Variants in BAZ1B observed in about 807,000 individuals in gnomAD.
BAZ1B encodes bromodomain adjacent to zinc finger domain 1B, also known as tyrosine-protein kinase BAZ1B.
Under a neutral mutation model 153.8 loss-of-function variants are expected in BAZ1B, and 22 were observed. The observed-to-expected ratio is 0.14, with a 90% confidence interval of 0.10 to 0.20. BAZ1B has a LOEUF of 0.20. Among genes scored for constraint, BAZ1B ranks in the 10% least tolerant of loss-of-function variants. The pLI, the probability that BAZ1B is intolerant of heterozygous loss-of-function variation, is 1.00. For missense variants in BAZ1B, 1,325 were observed against 1,799.3 expected, an observed-to-expected ratio of 0.74 and a Z score of 4.77; for synonymous variants, 676 against 633.4, an observed-to-expected ratio of 1.07 and a Z score of -1.01.
At chr7:73,514,361 G>A (rs1192018256) in intron 1 of BAZ1B, among the ~76,000 whole-genome samples, 5 of 151,924 alleles carry the variant, frequency 3.3e-5, no homozygotes, top group South Asian at 2.1e-4. Context: ...TGAAACCCCC[G>A]TCTCTACTAA....
intron 16 of BAZ1B, among the ~76,000 whole-genome samples, chr7:73,446,279 C>T (rs930573507): frequency 7.2e-5 from 11 of 152,056 alleles, no homozygotes; most frequent in African/African-American, 2.2e-4. Flanking sequence ...CTGTTTTCTA[C>T]GAACCTGTAA....
intron 1 of BAZ1B, among the ~76,000 whole-genome samples, chr7:73,518,834 G>C (rs1160180066): frequency 2.0e-5 from 3 of 152,188 alleles, no homozygotes; most frequent in Non-Finnish European, 4.4e-5. Flanking sequence ...CAAAGGTCGT[G>C]AACTAGTTAT....
At chr7:73,508,815 C>A (rs1187281020) in intron 2 of BAZ1B, among the ~76,000 whole-genome samples, 1 of 151,482 alleles carries the variant, frequency 6.6e-6, no homozygotes, top group Admixed American at 6.6e-5. Context: ...AGATCAAGAC[C>A]ATCCTGGCTA....
At chr7:73,490,436 C>CGTA (rs1789590439) in intron 5 of BAZ1B, among the ~76,000 whole-genome samples, 1 of 151,978 alleles carries the variant, frequency 6.6e-6, no homozygotes, top group South Asian at 2.1e-4. Flanking sequence ...AGCTACCTAC[C>CGTA]ATTCACTAAA....
chr7:73,442,148 T>TTCTTTTCCCCC, intron 19 of BAZ1B, 33 bp downstream of exon 19: 1 of 208,524 alleles, frequency 4.8e-6, no homozygotes, highest in Non-Finnish European at 9.4e-6. Context: ...CCTCCCACCC[T>TTCTTTTCCCCC]CCCTAGCTGT....
intron 5 of BAZ1B, among the ~76,000 whole-genome samples, chr7:73,491,018 T>C (rs1554575398): frequency 1.3e-5 from 2 of 151,260 alleles, no homozygotes; most frequent in African/African-American, 4.8e-5. Context: ...CCAGGTGCAG[T>C]GGCTCATGCC....
rs141709677 is a variant in BAZ1B at position 73,520,404 on chromosome 7, G to A, written c.107+1423C>T. Among the ~76,000 whole-genome samples the A allele has an allele frequency of 2.3e-3, 348 of 152,154 alleles. 2 individuals are homozygous for A. Among genetic ancestry groups the A allele is most frequent in the African/African-American group, 8.2e-3 (342 of 41,486 alleles). On this transcript the variant is annotated intron_variant, in intron 1 of 19. Transcript: ENST00000339594. ...GGTAATATTTAAATTAATTGAAAGT[G>A]AAGGAGTAACATTCCACCTTCTTCT...
chr7:73,491,216 G>A (rs1789628051), intron 5 of BAZ1B, among the ~76,000 whole-genome samples: 1 of 151,986 alleles, frequency 6.6e-6, no homozygotes, highest in African/African-American at 2.4e-5. Context: ...AATCCGAGAG[G>A]CAGAGGCTGT....
chr7:73,466,809 T>C (rs1434464769), intron 9 of BAZ1B, among the ~76,000 whole-genome samples: 1 of 152,236 alleles, frequency 6.6e-6, no homozygotes, highest in East Asian at 1.9e-4. Flanking sequence ...AAGTGTCAAA[T>C]AATACAACTA....
chr7:73,449,390 G>T, intron 15 of BAZ1B, 152 bp downstream of exon 15: 2 of 863,062 alleles, frequency 2.3e-6, no homozygotes, highest in Non-Finnish European at 1.6e-6. Context: ...AGTCCTTTGA[G>T]CTCCTATTGA....
At chr7:73,520,473 T>C (rs782550146) in intron 1 of BAZ1B, among the ~76,000 whole-genome samples, 8 of 152,142 alleles carry the variant, frequency 5.3e-5, no homozygotes, top group Admixed American at 2.0e-4. Flanking sequence ...CGGTGGATTC[T>C]ACTCCTCTTT....
Position 73,442,841 on chromosome 7 carries a change from AAAG to A in BAZ1B, c.3991-16_3991-14del, listed in dbSNP as rs140578726. 1.2e-3 allele frequency: 1,961 copies of A among 1,599,974 alleles called. 28 individuals are homozygous for A. The African/African-American group carries it at 0.025, about 20-fold the overall frequency. ...TGGTCTGAAGCACCTGGCAGGAAAG[AAAG>A]AACAATGTTATTACAGATTCAAGAC... is the stretch of plus-strand genomic sequence containing the variant. On this transcript the variant is annotated splice_polypyrimidine_tract_variant and intron_variant, in intron 17 of 19. Transcript: ENST00000339594.
intron 3 of BAZ1B, among the ~76,000 whole-genome samples, chr7:73,507,504 C>T (rs782009152): frequency 1.4e-4 from 21 of 151,794 alleles, no homozygotes; most frequent in East Asian, 5.8e-4. Context: ...GCCAAGATCG[C>T]GAAACTGCAC....
chr7:73,456,456 C>T (rs1178065655), intron 13 of BAZ1B, among the ~76,000 whole-genome samples: 1 of 152,072 alleles, frequency 6.6e-6, no homozygotes, highest in Non-Finnish European at 1.5e-5. Flanking sequence ...TACAACTCAA[C>T]AACAAAAAAT....
At chr7:73,459,484 C>A in intron 13 of BAZ1B, 52 bp downstream of exon 13, 1 of 1,566,534 alleles carries the variant, frequency 6.4e-7, no homozygotes, top group Non-Finnish European at 8.7e-7. Flanking sequence ...ATTTTAAAAC[C>A]AAATCAACTC....
intron 9 of BAZ1B, among the ~76,000 whole-genome samples, chr7:73,469,058 A>T (rs782624119): frequency 4.0e-5 from 6 of 149,240 alleles, no homozygotes; most frequent in Non-Finnish European, 8.9e-5. Flanking sequence ...TGAACCCAGG[A>T]GGTGGAGGTT....
At chr7:73,509,520 G>A (rs1554578277) in intron 2 of BAZ1B, among the ~76,000 whole-genome samples, 1 of 151,930 alleles carries the variant, frequency 6.6e-6, no homozygotes, top group Non-Finnish European at 1.5e-5. Context: ...AGGAGTTTGA[G>A]ACCAGCCTGG....
At chr7:73,462,680 G>A (rs1788435118) in intron 12 of BAZ1B, 1 of 499,158 alleles carries the variant, frequency 2.0e-6, no homozygotes, top group Non-Finnish European at 3.6e-6. Flanking sequence ...CACCTTAGTA[G>A]TGAAGCTCTT....
chr7:73,455,683 T>C (rs555827079), intron 13 of BAZ1B, among the ~76,000 whole-genome samples: 44 of 152,030 alleles, frequency 2.9e-4, no homozygotes, highest in Middle Eastern at 3.4e-3. Flanking sequence ...CAGGGCAGGC[T>C]AAGGTGGGAG....
Sources: gnomAD v4.1 joint callset for allele counts (sites outside exome capture counted in the v4.1 genomes callset) on GRCh38, gnomAD v4.1.1 for gene constraint, MANE v1.5 for transcripts, NCBI Gene and HGNC (gene_info 2026-07-23, HGNC 2026-07-21) for gene names.